The following SYNE2 variants were observed in gnomAD, a reference collection of about 807,000 sequenced individuals.
SYNE2 encodes nesprin-2.
SYNE2 carries 431 observed loss-of-function variants against 856.3 expected under a neutral mutation model. The ratio of observed to expected loss-of-function variants is 0.50; its 90% CI spans 0.47 to 0.55. The LOEUF is 0.55. Ranked by LOEUF, SYNE2 falls within the 20% of genes least tolerant of loss-of-function variation. The probability of loss-of-function intolerance (pLI) is 0.00; values close to 1 mark genes in which losing one functional copy is unlikely to be tolerated. For synonymous variants in SYNE2, 2,923 were observed against 2,872.3 expected (o/e 1.02, Z -0.56); for missense variants, 8,129 against 8,023.2 (o/e 1.01, Z -0.50).
In SYNE2 at chr14:64,051,706, G is replaced by A; in HGVS notation, c.7793G>A (p.Ser2598Asn). 6.2e-7 allele frequency: 1 copy of A among 1,614,210 alleles called. No homozygotes were observed. Among genetic ancestry groups the A allele is most frequent in the Non-Finnish European group, 8.5e-7 (1 of 1,180,036 alleles). Reference sequence around the variant, plus strand: ...GACATGGATAAGAAATTGTTGGAAAGCCAGATTAAGCAACTTGAACATGGT... The same window carrying A: ...GACATGGATAAGAAATTGTTGGAAAACCAGATTAAGCAACTTGAACATGGT... ...VTDMDKKLLE[S>N]QIKQLEHGWE... Residue 2598 changes from serine to asparagine, a missense_variant, in exon 48 of 116, where the codon AGC (serine) becomes AAC (asparagine). Transcript: ENST00000555002.
chr14:64,141,226 G>GTA (rs199837638), intron 80 of SYNE2, 115 bp from the exon 81 acceptor site: 9,875 of 773,758 alleles, frequency 0.013, 80 homozygotes, highest in African/African-American at 0.019. Context: ...GTGTGTGTGT[G>GTA]TATACACATT....
rs986062589 is a variant in SYNE2 at position 63,872,790 on chromosome 14, G to A, written c.-52+19647G>A. ...AAAAAAAAAAAAAAAAAGATGATAT[G>A]TAATTAATATTACAGTTTTACTGTA... On this transcript the variant is annotated intron_variant, in intron 1 of 115. Coordinates refer to ENST00000555002, the MANE Select transcript of SYNE2 (RefSeq NM_182914.3). Among the ~76,000 whole-genome samples the A allele has an allele frequency of 3.5e-5, 5 of 142,684 alleles. 1 individual carries two copies. The highest frequency in any genetic ancestry group is 1.3e-4 in the African/African-American group (5 of 39,732). 93.6% of individuals were successfully genotyped at this position (142,684 alleles called of 152,430 possible). A position where few individuals can be genotyped will look rare whatever the true frequency, so the allele number is the denominator to read the frequency against.
At chr14:63,805,322 A>T (rs1888316444) in intron 1 of SYNE2, among the ~76,000 whole-genome samples, 1 of 152,274 alleles carries the variant, frequency 6.6e-6, no homozygotes, top group East Asian at 1.9e-4. Flanking sequence ...GACCACTTTA[A>T]CAATATTGAT....
chr14:63,936,466 G>A (rs2095835145), intron 2 of SYNE2, among the ~76,000 whole-genome samples: 4 of 152,172 alleles, frequency 2.6e-5, no homozygotes, highest in Admixed American at 2.0e-4. Flanking sequence ...CTTAGATGAG[G>A]TGTTGTCTGA....
chr14:64,201,088 T>C (rs2098560999), intron 99 of SYNE2, among the ~76,000 whole-genome samples: 1 of 152,212 alleles, frequency 6.6e-6, no homozygotes, highest in African/African-American at 2.4e-5. Context: ...AGGTGGATAA[T>C]TTTACAGATC....
chr14:63,953,515 T>C (rs371094437), intron 7 of SYNE2, among the ~76,000 whole-genome samples: 2 of 137,262 alleles, frequency 1.5e-5, no homozygotes, highest in African/African-American at 2.7e-5. Flanking sequence ...ATGATGTTGA[T>C]TGATAAATAG....
intron 1 of SYNE2, among the ~76,000 whole-genome samples, chr14:63,771,896 C>CAAAAAAAAAAAAAAAAAAAAAAAA (rs59481661): frequency 1.4e-5 from 2 of 148,036 alleles, no homozygotes; most frequent in African/African-American, 5.3e-5. Context: ...GACTCTGTCT[C>CAAAAAAAAAAAAAAAAAAAAAAAA]AAAAAGCAAA....
At chr14:63,815,948 C>CTTTT (rs34053312) in intron 1 of SYNE2, among the ~76,000 whole-genome samples, 5 of 128,922 alleles carry the variant, frequency 3.9e-5, no homozygotes, top group African/African-American at 8.7e-5. Context: ...TTAAATTATT[C>CTTTT]TTTTTTTTTT....
At chr14:63,867,481 T>C (rs1025226411) in intron 1 of SYNE2, among the ~76,000 whole-genome samples, 1 of 151,530 alleles carries the variant, frequency 6.6e-6, no homozygotes, top group African/African-American at 2.4e-5. Flanking sequence ...CTGGATCACC[T>C]GAGGTCAGGA....
At position 63,814,896 on chromosome 14, in the gene SYNE2, ATATATCCATATATATCCATATATC is replaced by A. The variant is rs1449709689; in HGVS notation, c.-304-37601_-304-37578del. Among the ~76,000 whole-genome samples, 26 of 136,348 alleles carry A rather than the reference ATATATCCATATATATCCATATATC, an allele frequency of 1.9e-4. 1 individual carries two copies. Among genetic ancestry groups the A allele is most frequent in the African/African-American group, 6.1e-4 (23 of 37,740 alleles). The allele number at this position is 136,348 out of a possible 152,430, so 89.4% of individuals were successfully genotyped here. On this transcript the variant is annotated intron_variant, in intron 1 of 23. Coordinates refer to the SYNE2 transcript ENST00000674003. Reference sequence around the variant, plus strand: ...TATATATCCATATATATATCCATATATATATCCATATATATCCATATATCTATCCATATATCTATCCATATATAT... The same window carrying A: ...TATATATCCATATATATATCCATATATATCCATATATCTATCCATATATAT...
At chr14:63,975,661 C>G (rs1006439630) in intron 11 of SYNE2, among the ~76,000 whole-genome samples, 3 of 152,054 alleles carry the variant, frequency 2.0e-5, no homozygotes, top group African/African-American at 7.2e-5. Context: ...GTTGTGTACC[C>G]TTCAGATTAT....
chr14:64,005,865 C>G (rs375884408), intron 30 of SYNE2, among the ~76,000 whole-genome samples: 1 of 152,208 alleles, frequency 6.6e-6, no homozygotes, highest in East Asian at 1.9e-4. Flanking sequence ...CAAGTTGGAT[C>G]CATACTCAGG....
chr14:64,102,176 GTA>G, intron 64 of SYNE2, 134 bp downstream of exon 64: 1 of 675,096 alleles, frequency 1.5e-6, no homozygotes, highest in Non-Finnish European at 2.7e-6. Context: ...GAGTGCAGTC[GTA>G]TGATCTCAGC....
chr14:64,053,614 A>G lies in SYNE2; in HGVS notation c.9701A>G (p.Glu3234Gly). 16 of 1,613,154 alleles carry G rather than the reference A, an allele frequency of 9.9e-6. No individual in the cohort carries two copies. The highest frequency in any genetic ancestry group is 1.4e-5 in the Non-Finnish European group (16 of 1,179,764). Reference sequence around the variant, plus strand: ...GTGGAGACAAAACTACGTGAGTTTGAAGATCTTCAGATGCAGCTTAACACA... The same window carrying G: ...GTGGAGACAAAACTACGTGAGTTTGGAGATCTTCAGATGCAGCTTAACACA... Reference protein sequence around the residue: ...SDVETKLREFEDLQMQLNTSI... With the variant: ...SDVETKLREFGDLQMQLNTSI... Residue 3234 changes from glutamate (E) to glycine (G), a missense_variant, in exon 48 of 116, where the codon GAA (glutamate) becomes GGA (glycine). Coordinates refer to ENST00000555002, the MANE Select transcript of SYNE2 (RefSeq NM_182914.3).
At chr14:63,915,889 A>G (rs1161426311) in intron 2 of SYNE2, among the ~76,000 whole-genome samples, 1 of 152,196 alleles carries the variant, frequency 6.6e-6, no homozygotes, top group African/African-American at 2.4e-5. Flanking sequence ...TTTTAGAAGC[A>G]TTAAAAATTA....
chr14:64,094,484 G>A (rs188781548), intron 61 of SYNE2, among the ~76,000 whole-genome samples: 18 of 152,220 alleles, frequency 1.2e-4, no homozygotes, highest in African/African-American at 3.4e-4. Context: ...ACAAAAAAAC[G>A]TGATTGTATG....
rs576919932 is a variant in SYNE2 at position 63,765,242 on chromosome 14, G to A, written c.-305+3256G>A. ...TGATAAAGAGCAGAGTAGCAGAAGG[G>A]CAAGGGATGGATCTGAAAACAAGTA... On this transcript the variant is annotated intron_variant, in intron 1 of 23. Transcript: ENST00000674003. Among the ~76,000 whole-genome samples the A allele has an allele frequency of 3.9e-5, 6 of 152,330 alleles. No individual in the cohort carries two copies. In the South Asian group the frequency reaches 1.0e-3, roughly 26 times the overall value.
At chr14:63,948,802 A>ATGTGTGTGTGTGTG (rs1158609856) in intron 6 of SYNE2, among the ~76,000 whole-genome samples, 3 of 107,362 alleles carry the variant, frequency 2.8e-5, no homozygotes, top group African/African-American at 1.1e-4. Flanking sequence ...ATATATATAT[A>ATGTGTGTGTGTGTG]TATATATATA....
At chr14:64,111,143 A>C (rs1219226708) in intron 65 of SYNE2, among the ~76,000 whole-genome samples, 2 of 151,614 alleles carry the variant, frequency 1.3e-5, no homozygotes, top group Non-Finnish European at 2.9e-5. Context: ...AGGCAGGAGG[A>C]TCACCTGAGC....
Sources: gnomAD v4.1 joint callset for allele counts (sites outside exome capture counted in the v4.1 genomes callset) on GRCh38, gnomAD v4.1.1 for gene constraint, MANE v1.5 for transcripts, NCBI Gene and HGNC (gene_info 2026-07-23, HGNC 2026-07-21) for gene names.